The following KCTD1 variants were observed in gnomAD, a reference collection of about 807,000 sequenced individuals.
KCTD1 encodes the protein BTB/POZ domain-containing protein KCTD1.
Under a neutral mutation model 66.0 loss-of-function variants are expected in KCTD1, and 24 were observed. The observed-to-expected ratio is 0.36, with a 90% CI of 0.26 to 0.51. KCTD1 has a LOEUF of 0.51. KCTD1 is among the 20% of genes least tolerant of loss of function. The pLI, the probability that KCTD1 is intolerant of heterozygous loss-of-function variation, is 0.95. For synonymous variants in KCTD1, 511 were observed against 517.2 expected (o/e 0.99, Z 0.16); for missense variants, 943 against 1,205.2 (o/e 0.78, Z 3.22).
chr18:26,656,550 G>A (rs997162625), intron 1 of KCTD1, among the ~76,000 whole-genome samples: 4 of 150,282 alleles, frequency 2.7e-5, no homozygotes, highest in Non-Finnish European at 5.9e-5. Flanking sequence ...CGGCGACGAA[G>A]AGCGCCGGGC....
intron 1 of KCTD1, among the ~76,000 whole-genome samples, chr18:26,506,295 G>A (rs1055091516): frequency 6.6e-6 from 1 of 152,216 alleles, no homozygotes; most frequent in Non-Finnish European, 1.5e-5. Context: ...TTCAGTGGGA[G>A]GGAGCCCATG....
chr18:26,473,563 T>TTAA (rs10551915), intron 3 of KCTD1, among the ~76,000 whole-genome samples: 10,193 of 146,636 alleles, frequency 0.07, 704 homozygotes, highest in African/African-American at 0.18. Context: ...GAACTTAAAA[T>TTAA]TAATAATAAT....
chr18:26,622,421 C>T (rs562780142), intron 1 of KCTD1, among the ~76,000 whole-genome samples: 1 of 152,172 alleles, frequency 6.6e-6, no homozygotes, highest in South Asian at 2.1e-4. Context: ...TTTCTCCTCC[C>T]CATAAACCAT....
At chr18:26,537,092 T>C (rs1371684195) in intron 1 of KCTD1, among the ~76,000 whole-genome samples, 1 of 152,192 alleles carries the variant, frequency 6.6e-6, no homozygotes, top group Non-Finnish European at 1.5e-5. Flanking sequence ...GAAGCTAGCA[T>C]AATCAGCTTT....
At chr18:26,617,906 G>C (rs1250945478) in intron 1 of KCTD1, among the ~76,000 whole-genome samples, 1 of 150,640 alleles carries the variant, frequency 6.6e-6, no homozygotes, top group African/African-American at 2.4e-5. Context: ...AGGTAAGGGA[G>C]GGAGAGGGAA....
intron 1 of KCTD1, among the ~76,000 whole-genome samples, chr18:26,517,106 T>C (rs2052250251): frequency 6.6e-6 from 1 of 152,138 alleles, no homozygotes; most frequent in Admixed American, 6.5e-5. Context: ...CTGAGGAATC[T>C]CTGGGTTATC....
At chr18:26,486,148 C>T (rs1393482160) in intron 2 of KCTD1, among the ~76,000 whole-genome samples, 3 of 152,166 alleles carry the variant, frequency 2.0e-5, no homozygotes, top group Non-Finnish European at 4.4e-5. Flanking sequence ...TGACCTCAAG[C>T]GATCCGCCCC....
chr18:26,608,679 ATAAT>A (rs1363029381), intron 1 of KCTD1, among the ~76,000 whole-genome samples: 2 of 152,146 alleles, frequency 1.3e-5, no homozygotes, highest in African/African-American at 2.4e-5. Context: ...TTCTGAATGT[ATAAT>A]TAATCACCTC....
chr18:26,551,144 C>G (rs937794706), upstream of KCTD1, among the ~76,000 whole-genome samples: 2 of 152,206 alleles, frequency 1.3e-5, no homozygotes, highest in African/African-American at 4.8e-5. Context: ...TCGCAGTTTG[C>G]CGGAGGCGGT....
intron 1 of KCTD1, among the ~76,000 whole-genome samples, chr18:26,593,780 G>A (rs1422622938): frequency 7.0e-6 from 1 of 142,768 alleles, no homozygotes; most frequent in Non-Finnish European, 1.5e-5. Flanking sequence ...AAGGAGGGAG[G>A]AGGAAGATAA....
At chr18:26,609,211 CTT>C (rs950578480) in intron 1 of KCTD1, among the ~76,000 whole-genome samples, 6 of 152,154 alleles carry the variant, frequency 3.9e-5, no homozygotes, top group African/African-American at 1.4e-4. Flanking sequence ...AGCCACTGCA[CTT>C]TATATGATAC....
intron 1 of KCTD1, among the ~76,000 whole-genome samples, chr18:26,594,239 G>C (rs972305838): frequency 1.3e-5 from 2 of 152,104 alleles, no homozygotes; most frequent in Non-Finnish European, 2.9e-5. Context: ...GACTGGGAGG[G>C]GAAGTTAGCC....
chr18:26,619,591 C>T (rs992533447), intron 1 of KCTD1, among the ~76,000 whole-genome samples: 2 of 152,182 alleles, frequency 1.3e-5, no homozygotes, highest in African/African-American at 4.8e-5. Context: ...TGGCTGTCGA[C>T]AGCTATTCAG....
chr18:26,603,132 TAA>T (rs1398719183), intron 1 of KCTD1, among the ~76,000 whole-genome samples: 1 of 152,084 alleles, frequency 6.6e-6, no homozygotes, highest in South Asian at 2.1e-4. Flanking sequence ...CAAGATAGAT[TAA>T]AGACTTAAAT....
At chr18:26,580,628 A>G (rs1351799933) in intron 1 of KCTD1, among the ~76,000 whole-genome samples, 2 of 152,188 alleles carry the variant, frequency 1.3e-5, no homozygotes, top group Non-Finnish European at 2.9e-5. Context: ...ACAGAAACTC[A>G]CATACCAGAG....
intron 1 of KCTD1, among the ~76,000 whole-genome samples, chr18:26,590,786 C>G (rs994916094): frequency 7.2e-5 from 11 of 152,254 alleles, no homozygotes; most frequent in African/African-American, 2.6e-4. Context: ...GTATTATACA[C>G]ATGAAGTATC....
chr18:26,596,629 G>A (rs1055371722), intron 1 of KCTD1, among the ~76,000 whole-genome samples: 2 of 152,202 alleles, frequency 1.3e-5, no homozygotes, highest in Non-Finnish European at 2.9e-5. Context: ...AACAAGAGCT[G>A]GGTAATCTTG....
In KCTD1 at chr18:26,455,559, G is replaced by T. The variant is rs766360605; in HGVS notation, c.*184C>A. On this transcript the variant is annotated 3_prime_UTR_variant, in exon 5 of 5. Transcript: ENST00000580059. ...TATTTATATATTTTTTACACCTTGA[G>T]GATATCACTATTCCAATTGTTCCCA... 1.7e-5 allele frequency: 9 copies of T among 539,608 alleles called. No homozygotes were observed. The highest frequency in any genetic ancestry group is 4.8e-4 in the Middle Eastern group (1 of 2,102). 33.4% of individuals were successfully genotyped at this position (539,608 alleles called of 1,614,324 possible).
In KCTD1 at chr18:26,600,219, G is replaced by A. The variant is rs538858228; in HGVS notation, c.-16+28928C>T. ...AACAGATGAGCTCCCAGCCCAAGTC[G>A]GCTTGTGGAAACTGCTACCTGGGTG... On this transcript the variant is annotated intron_variant, in intron 1 of 4. Transcript: ENST00000317932. 4.9e-4 allele frequency: 782 copies of A among 1,601,722 alleles called. 1 individual carries two copies. The highest frequency in any genetic ancestry group is 6.4e-4 in the Non-Finnish European group (747 of 1,170,548).
Sources: allele counts gnomAD v4.1 joint callset (sites outside exome capture counted in the v4.1 genomes callset), GRCh38; gene constraint gnomAD v4.1.1; transcripts MANE v1.5; gene names NCBI Gene and HGNC (gene_info 2026-07-23, HGNC 2026-07-21).